TXLNG: variants seen among roughly 807,000 people sequenced by gnomAD.
The protein encoded by TXLNG is gamma-taxilin.
A neutral mutation model predicts 38.8 loss-of-function variants in TXLNG; 5 were observed. That is an observed-to-expected ratio of 0.13 (90% CI 0.07 to 0.27). The LOEUF (loss-of-function observed/expected upper bound fraction) is 0.27, where lower values mean the gene tolerates loss of function less well. Among genes scored for constraint, TXLNG ranks in the 10% least tolerant of loss-of-function variants. The pLI, the probability that TXLNG is intolerant of heterozygous loss-of-function variation, is 1.00. For missense variants in TXLNG, 393 were observed against 398.2 expected (o/e 0.99, Z 0.11); for synonymous variants, 182 against 158.2 (o/e 1.15, Z -1.13).
intron 1 of TXLNG, among the ~76,000 whole-genome samples, chrX:16,803,680 G>A (rs1253820000): frequency 9.5e-6 from 1 of 104,880 alleles, no homozygotes; most frequent in Non-Finnish European, 2.0e-5. Context: ...GGGGCCAGGC[G>A]CGGTGGCTCA....
chrX:16,820,124 C>G, intron 2 of TXLNG, 40 bp from the exon 3 acceptor site: 1 of 1,067,426 alleles, frequency 9.4e-7, no homozygotes, highest in Non-Finnish European at 1.3e-6. Context: ...GATTTGATCT[C>G]ATTCTTCTGG....
intron 1 of TXLNG, among the ~76,000 whole-genome samples, chrX:16,815,470 C>T (rs560797263): frequency 4.7e-5 from 5 of 106,703 alleles, no homozygotes; most frequent in Middle Eastern, 5.6e-3. Flanking sequence ...CCACCGCGAC[C>T]GGCCTGTAGT....
At chrX:16,811,417 C>T (rs748105572) in intron 1 of TXLNG, among the ~76,000 whole-genome samples, 31 of 110,536 alleles carry the variant, frequency 2.8e-4, no homozygotes, top group African/African-American at 9.9e-4. Flanking sequence ...AGTGTAATGG[C>T]GCGATCTCAG....
rs373985397 is a variant in TXLNG, at chrX:16,803,053, C to T, written c.103-15521C>T. Among the ~76,000 whole-genome samples the T allele has an allele frequency of 8.1e-5, 9 of 110,681 alleles. No homozygotes were observed. The East Asian group carries it at 1.1e-3, about 14-fold the overall frequency. ...CAGGCTGGTCTTGAACTCCTGACCT[C>T]GTGATCCACCCTCCTTGGCCTCCCA... On this transcript the variant is annotated intron_variant, in intron 1 of 9. Coordinates refer to ENST00000380122, the MANE Select transcript of TXLNG (RefSeq NM_018360.3).
intron 3 of TXLNG, among the ~76,000 whole-genome samples, chrX:16,821,756 C>A (rs776049570): frequency 9.1e-6 from 1 of 109,953 alleles, no homozygotes; most frequent in East Asian, 2.9e-4. Flanking sequence ...TTTGGGAGGC[C>A]AAGGTGGGCG....
intron 1 of TXLNG, among the ~76,000 whole-genome samples, chrX:16,805,222 A>G (rs1443675231): frequency 9.3e-6 from 1 of 107,553 alleles, no homozygotes; most frequent in Non-Finnish European, 1.9e-5. Flanking sequence ...AGCTCAAGCA[A>G]TCCTCCTACC....
chrX:16,818,774 C>CA lies in TXLNG; in HGVS notation c.304dup (p.Thr102AsnfsTer19), dbSNP rs1443204439. 1 of 1,210,474 alleles carries CA rather than the reference C, an allele frequency of 8.3e-7. No individual in the cohort carries two copies. The highest frequency in any genetic ancestry group is 1.1e-6 in the Non-Finnish European group (1 of 895,353). On this transcript the variant is annotated frameshift_variant, in exon 2 of 10. Transcript: ENST00000380122. LOFTEE classifies it high-confidence loss of function. ...GGAATTTGGTGAGCCCAGCATACTG[C>CA]ACGCAAGAATCAAGAGAGGAAATCC... is the stretch of plus-strand genomic sequence containing the variant.
At chrX:16,816,707 T>A (rs1281562267) in intron 1 of TXLNG, among the ~76,000 whole-genome samples, 1 of 112,297 alleles carries the variant, frequency 8.9e-6, no homozygotes, top group Non-Finnish European at 1.9e-5. Flanking sequence ...GTCAAAGTAT[T>A]ACATGCACAT....
intron 1 of TXLNG, among the ~76,000 whole-genome samples, chrX:16,796,368 G>C (rs1439308404): frequency 9.0e-6 from 1 of 111,462 alleles, no homozygotes; most frequent in African/African-American, 3.3e-5. Flanking sequence ...CCTTTACAGA[G>C]AAAGACAAGG....
chrX:16,839,807 A>G lies in TXLNG; in HGVS notation c.1153-14A>G. 1 of 1,119,086 alleles carries G rather than the reference A, an allele frequency of 8.9e-7. No homozygotes were observed. The highest frequency in any genetic ancestry group is 1.2e-6 in the Non-Finnish European group (1 of 820,478). The allele number at this position is 1,119,086 out of a possible 1,213,427, so 92.2% of individuals were successfully genotyped here. On this transcript the variant is annotated splice_polypyrimidine_tract_variant and intron_variant, in intron 8 of 9. Transcript: ENST00000380122. ...AAGGGAACTTAGAATTTAAATGTGCAATTGTATTCACAGATGACAAAGAAA... is the reference window on the plus strand; with the variant it reads ...AAGGGAACTTAGAATTTAAATGTGCGATTGTATTCACAGATGACAAAGAAA...
At chrX:16,812,072 TG>T (rs1928541286) in intron 1 of TXLNG, among the ~76,000 whole-genome samples, 1 of 108,076 alleles carries the variant, frequency 9.3e-6, no homozygotes, top group South Asian at 4.1e-4. Flanking sequence ...GGCACGATCT[TG>T]GCTCACTGTA....
At chrX:16,820,302 A>ATG in intron 3 of TXLNG, 47 bp downstream of exon 3, 1 of 1,001,008 alleles carries the variant, frequency 1.0e-6, no homozygotes, top group Non-Finnish European at 1.4e-6. Flanking sequence ...ATATAACAAA[A>ATG]TGTGTGTGTG....
At chrX:16,810,207 A>G (rs1928465540) in intron 1 of TXLNG, among the ~76,000 whole-genome samples, 1 of 112,204 alleles carries the variant, frequency 8.9e-6, no homozygotes, top group South Asian at 3.6e-4. Context: ...TATTTACTGT[A>G]TAAGTATTAG....
Position 16,786,466 on chromosome X carries a change from GT to G in TXLNG, c.-19del. 9.0e-7 allele frequency: 1 copy of G among 1,106,991 alleles called. No individual in the cohort carries two copies. 91.2% of individuals were successfully genotyped at this position (1,106,991 alleles called of 1,213,427 possible). ...TTCTGTGCCCCTTGTCGGGCCGCTT[GT>G]TTGGCTGCTGCCGTCACCTCATGGC... On this transcript the variant is annotated 5_prime_UTR_variant, in exon 1 of 10. Coordinates refer to ENST00000380122, the MANE Select transcript of TXLNG (RefSeq NM_018360.3).
chrX:16,826,796 G>A (rs768885322), intron 3 of TXLNG, among the ~76,000 whole-genome samples: 94 of 110,867 alleles, frequency 8.5e-4, no homozygotes, highest in African/African-American at 3.0e-3. Context: ...GCTGGGTGTG[G>A]TGGCGCATGC....
chrX:16,792,113 G>C (rs1028274234), intron 1 of TXLNG, among the ~76,000 whole-genome samples: 1 of 112,013 alleles, frequency 8.9e-6, no homozygotes, highest in Admixed American at 9.6e-5. Context: ...AATTTCATTT[G>C]TGTTTCATGC....
At chrX:16,840,795 A>G (rs1399460776) in intron 9 of TXLNG, among the ~76,000 whole-genome samples, 3 of 111,624 alleles carry the variant, frequency 2.7e-5, no homozygotes, top group Non-Finnish European at 5.7e-5. Flanking sequence ...CTTCTCATCT[A>G]AAAATTGGAA....
Position 16,843,048 on chromosome X carries a change from C to CGATT in TXLNG, c.*1282_*1283insGATT, listed in dbSNP as rs770609648. On this transcript the variant is annotated 3_prime_UTR_variant, in exon 10 of 10. Transcript: ENST00000380122. ...TGGCGCAGTTATGCAGATGATTAAT[C>CGATT]AGGCTGCACTGATGGAAGTTTTGAC... The CGATT allele has an allele frequency of 2.7e-5, 3 of 112,350 alleles. No individual in the cohort carries two copies. The highest frequency in any genetic ancestry group is 5.6e-5 in the Non-Finnish European group (3 of 53,270). The allele number at this position is 112,350 out of a possible 1,213,427, so 9.3% of individuals were successfully genotyped here.
intron 1 of TXLNG, among the ~76,000 whole-genome samples, chrX:16,789,847 T>C (rs1407941641): frequency 1.8e-5 from 2 of 108,851 alleles, no homozygotes; most frequent in Admixed American, 2.0e-4. Flanking sequence ...CAGGCTAGAG[T>C]GCAATGGCAT....
Sources: gnomAD v4.1 joint callset for allele counts (sites outside exome capture counted in the v4.1 genomes callset) on GRCh38, gnomAD v4.1.1 for gene constraint, MANE v1.5 for transcripts, NCBI Gene and HGNC (gene_info 2026-07-23, HGNC 2026-07-21) for gene names.